Variants in PLOD3 observed in about 807,000 individuals in gnomAD.
PLOD3 encodes multifunctional procollagen lysine hydroxylase and glycosyltransferase LH3.
In PLOD3, 73 loss-of-function variants were observed where a neutral mutation model predicts 96.9. That is an observed-to-expected ratio of 0.75 (90% CI 0.62 to 0.92). The LOEUF (loss-of-function observed/expected upper bound fraction) is 0.92. Among genes scored for constraint, PLOD3 ranks in the 40% least tolerant of loss-of-function variants. The pLI, the probability that PLOD3 is intolerant of heterozygous loss-of-function variation, is 0.00. For missense variants in PLOD3, 1,004 were observed against 1,004.3 expected, an observed-to-expected ratio of 1.00 and a Z score of 0.00; for synonymous variants, 454 against 413.7, an observed-to-expected ratio of 1.10 and a Z score of -1.18.
intron 3 of PLOD3, 31 bp from the exon 4 acceptor site, chr7:101,216,357 T>C (rs1011501443): frequency 3.1e-6 from 5 of 1,613,154 alleles, no homozygotes; most frequent in Non-Finnish European, 4.2e-6. Flanking sequence ...TGGGCAGGGG[T>C]CCACTGGGAA....
chr7:101,211,925 A>G lies in PLOD3; in HGVS notation c.1153T>C (p.Cys385Arg). 1.2e-6 allele frequency: 2 copies of G among 1,608,100 alleles called. No homozygotes were observed. The highest frequency in any genetic ancestry group is 1.1e-5 in the South Asian group (1 of 90,140). ...AMDLCRQDPECEFYFSLDADA... is the reference protein window; with the variant it reads ...AMDLCRQDPEREFYFSLDADA... ...GCGTCCAGGCTGAAGTAGAACTCAC[A>G]CTCGGGGTCCTGCCGACACAGGTCC... Residue 385 changes from cysteine (C) to arginine (R), a missense_variant, in exon 11 of 19, where the codon TGT becomes CGT. This residue lies in a region of PLOD3 where 690 missense variants were observed against 650.2 expected (regional missense o/e 1.06). Coordinates refer to ENST00000223127, the MANE Select transcript of PLOD3 (RefSeq NM_001084.5).
chr7:101,216,397 C>T lies in PLOD3; in HGVS notation c.338+13G>A. 6.2e-7 allele frequency: 1 copy of T among 1,614,082 alleles called. No individual in the cohort carries two copies. Among genetic ancestry groups the T allele is most frequent in the Non-Finnish European group, 8.5e-7 (1 of 1,179,998 alleles). Reference sequence around the variant, plus strand: ...AGCATCCTTACCCCGCTCCCTATCCCCAGCCCCGTTACCTATCCACAAACA... The same window carrying T: ...AGCATCCTTACCCCGCTCCCTATCCTCAGCCCCGTTACCTATCCACAAACA... On this transcript the variant is annotated intron_variant, in intron 3 of 18. Coordinates refer to ENST00000223127, the MANE Select transcript of PLOD3 (RefSeq NM_001084.5).
chr7:101,215,898 C>T lies in PLOD3; in HGVS notation c.615+10G>A. The T allele has an allele frequency of 6.3e-7, 1 of 1,582,378 alleles. No homozygotes were observed. Among genetic ancestry groups the T allele is most frequent in the South Asian group, 1.1e-5 (1 of 90,482 alleles). Reference sequence around the variant, plus strand: ...GCTGCGGGATGCGCCCACTCCTCTGCCTTCCCTACCCTCAGTCCTGGGTCC... The same window carrying T: ...GCTGCGGGATGCGCCCACTCCTCTGTCTTCCCTACCCTCAGTCCTGGGTCC... On this transcript the variant is annotated intron_variant, in intron 5 of 18. Coordinates refer to ENST00000223127, the MANE Select transcript of PLOD3 (RefSeq NM_001084.5).
chr7:101,209,552 GTTTTTTTTT>G (rs11295764), intron 15 of PLOD3, among the ~76,000 whole-genome samples: 1 of 110,336 alleles, frequency 9.1e-6, no homozygotes, highest in African/African-American at 3.4e-5. Context: ...TAATTTTTGT[GTTTTTTTTT>G]TTTTTTTTTT....
In PLOD3 at chr7:101,213,148, CGTA is replaced by C; in HGVS notation, c.733_735del (p.Tyr245del). ...CCATGGACCACAATGGGGAGCGTGT[CGTA>C]GGCCACGTTCCGGATACGCACACGG... is the stretch of plus-strand genomic sequence containing the variant. On this transcript the variant is annotated inframe_deletion, in exon 7 of 19. Coordinates refer to ENST00000223127, the MANE Select transcript of PLOD3 (RefSeq NM_001084.5). 6.2e-7 allele frequency: 1 copy of C among 1,613,806 alleles called. No homozygotes were observed. Among genetic ancestry groups the C allele is most frequent in the Non-Finnish European group, 8.5e-7 (1 of 1,179,778 alleles).
At chr7:101,216,640 T>A in intron 2 of PLOD3, 55 bp downstream of exon 2, 1 of 1,604,596 alleles carries the variant, frequency 6.2e-7, no homozygotes, top group Non-Finnish European at 8.5e-7. Flanking sequence ...GCATCCAGAC[T>A]TCAGCCCACC....
At chr7:101,206,516 C>T in intron 18 of PLOD3, 80 bp from the exon 19 acceptor site, 1 of 1,372,074 alleles carries the variant, frequency 7.3e-7, no homozygotes, top group Non-Finnish European at 1.0e-6. Flanking sequence ...GGCAGGGCGG[C>T]CAGACCGGGG....
At chr7:101,215,176 A>G (rs777807624) in intron 5 of PLOD3, 24 bp from the exon 6 acceptor site, 4 of 1,528,866 alleles carry the variant, frequency 2.6e-6, no homozygotes, top group Non-Finnish European at 3.6e-6. Context: ...GATGCGATGG[A>G]GTGGTTAAAA....
chr7:101,213,336 G>C (rs570616636), intron 6 of PLOD3, 132 bp from the exon 7 acceptor site: 1 of 720,838 alleles, frequency 1.4e-6, no homozygotes, highest in East Asian at 2.7e-5. Context: ...AGTGTGGCTC[G>C]TTGTGGGCAG....
At chr7:101,213,509 T>G (rs1688452749) in intron 6 of PLOD3, 1 of 325,532 alleles carries the variant, frequency 3.1e-6, no homozygotes, top group Non-Finnish European at 5.6e-6. Context: ...TCTCCTTGTT[T>G]TTTTTTTTTT....
Position 101,217,433 on chromosome 7 carries a change from T to A in PLOD3, c.-159A>T. ...GGGGCTACGCCCTGAAAAAAAGGCG[T>A]ATCCGGAGGCTACAGAAAGCTCCAG... On this transcript the variant is annotated 5_prime_UTR_variant, in exon 1 of 19. Coordinates refer to ENST00000223127, the MANE Select transcript of PLOD3 (RefSeq NM_001084.5). 1 of 628,078 alleles carries A rather than the reference T, an allele frequency of 1.6e-6. No individual in the cohort carries two copies. The allele number at this position is 628,078 out of a possible 1,614,324, so 38.9% of individuals were successfully genotyped here.
chr7:101,206,934 G>A lies in PLOD3; in HGVS notation c.1936-30C>T, dbSNP rs41281007. The A allele has an allele frequency of 3.6e-3, 5,533 of 1,552,158 alleles. 21 individuals carry two copies. Among genetic ancestry groups the A allele is most frequent in the Non-Finnish European group, 4.1e-3 (4,681 of 1,147,322 alleles). ...GGGAGAGGAGGGAAGAGGCTGCAGG[G>A]ACAGCTGCGGGCGCAGGGGGTCTTT... is the stretch of plus-strand genomic sequence containing the variant. On this transcript the variant is annotated intron_variant, in intron 17 of 18. Transcript: ENST00000223127.
intron 18 of PLOD3, 94 bp from the exon 19 acceptor site, chr7:101,206,530 A>G: frequency 8.4e-7 from 1 of 1,189,466 alleles, no homozygotes. Context: ...ACCGGGGGGC[A>G]CGGTGCAGCA....
rs1422132477 is a variant in PLOD3, at chr7:101,208,905, TCA to T, written c.1734_1735del (p.Asp578GlufsTer18). ...GTAGTGCTCCATCTCTGCCACCAGC[TCA>T]TCACACATTTGTTCTGACAGCAGTG... On this transcript the variant is annotated frameshift_variant, in exon 16 of 19. Transcript: ENST00000223127. LOFTEE classifies it high-confidence loss of function. 4.3e-6 allele frequency: 7 copies of T among 1,613,856 alleles called. No individual in the cohort carries two copies. The highest frequency in any genetic ancestry group is 5.9e-6 in the Non-Finnish European group (7 of 1,179,910).
rs567261684 is a variant in PLOD3, at chr7:101,216,578, G to C, written c.202-32C>G. ...AGAAGATTGCCCCGTGCCAGGCAAGGGGTGGGGAGTTGTGGGGGGAACTCC... is the reference window on the plus strand; with the variant it reads ...AGAAGATTGCCCCGTGCCAGGCAAGCGGTGGGGAGTTGTGGGGGGAACTCC... On this transcript the variant is annotated intron_variant, in intron 2 of 18. Transcript: ENST00000223127. The C allele has an allele frequency of 7.4e-6, 12 of 1,613,740 alleles. No individual in the cohort carries two copies. In the South Asian group the frequency reaches 1.1e-4, roughly 15 times the overall value.
rs751261465 is a variant in PLOD3 at position 101,216,443 on chromosome 7, T to A, written c.305A>T (p.Asp102Val). 1 of 1,614,106 alleles carries A rather than the reference T, an allele frequency of 6.2e-7. No homozygotes were observed. Among genetic ancestry groups the A allele is most frequent in the South Asian group, 1.1e-5 (1 of 91,084 alleles). Residue 102 changes from aspartate (D) to valine (V), a missense_variant, in exon 3 of 19, where the codon GAC (aspartate) becomes GTC (valine). Asp to Val is a radical substitution (Grantham distance 152). Around this residue, in one of 5 missense-constraint regions of PLOD3, gnomAD observed 690 missense variants for 650.2 expected, o/e 1.06. Transcript: ENST00000223127. ...AAACATGATGATCATATCCTCCCGG[T>A]CAGCGTATTTCTCCATTTCCTTCTT... Reference protein sequence around the residue: ...WLKKEMEKYADREDMIIMFVD... With the variant: ...WLKKEMEKYAVREDMIIMFVD...
At position 101,212,857 on chromosome 7, in the gene PLOD3, T is replaced by C. The variant is rs1798208564; in HGVS notation, c.864A>G (p.Thr288=). ...GCGFCNQDRR[T]LPGGQPPPRV... ...CCCACCTCACCTGCCCCCCCGGGAGTGTCCTCCGGTCCTGGTTGCAGAAGC... is the reference window on the plus strand; with the variant it reads ...CCCACCTCACCTGCCCCCCCGGGAGCGTCCTCCGGTCCTGGTTGCAGAAGC... The change falls in exon 8 of 19, where the codon ACA becomes ACG. Residue 288 remains threonine (T), a synonymous_variant. Coordinates refer to ENST00000223127, the MANE Select transcript of PLOD3 (RefSeq NM_001084.5). The C allele has an allele frequency of 1.2e-6, 2 of 1,611,708 alleles. No homozygotes were observed. The highest frequency in any genetic ancestry group is 1.7e-5 in the Admixed American group (1 of 59,884).
Position 101,217,489 on chromosome 7 carries a change from T to G in PLOD3, c.-215A>C. The G allele has an allele frequency of 2.4e-4, 107 of 452,862 alleles. No homozygotes were observed. Among genetic ancestry groups the G allele is most frequent in the Non-Finnish European group, 2.6e-4 (69 of 263,946 alleles). The allele number at this position is 452,862 out of a possible 1,614,324, so 28.1% of individuals were successfully genotyped here. A position where few individuals can be genotyped will look rare whatever the true frequency, so the allele number is the denominator to read the frequency against. Reference sequence around the variant, plus strand: ...GGCGCCACAGACAAGGCGAGGATTGTCCCGGGCGCACGGGAGGCGGGGGAG... The same window carrying G: ...GGCGCCACAGACAAGGCGAGGATTGGCCCGGGCGCACGGGAGGCGGGGGAG... On this transcript the variant is annotated 5_prime_UTR_variant, in exon 1 of 19. Coordinates refer to ENST00000223127, the MANE Select transcript of PLOD3 (RefSeq NM_001084.5).
chr7:101,206,358 G>A lies in PLOD3; in HGVS notation c.2140C>T (p.Arg714Cys), dbSNP rs373117657. The change falls in exon 19 of 19, where the codon CGC (arginine) becomes TGC (cysteine). Residue 714 changes from arginine to cysteine, a missense_variant. Arg to Cys is a radical substitution (Grantham distance 180). Transcript: ENST00000223127. ...AGCCCCTCGTGGTAGTGGGTGAGGCGGCCGGGGTGCAGGAGTGCCCAGCCC... is the reference window on the plus strand; with the variant it reads ...AGCCCCTCGTGGTAGTGGGTGAGGCAGCCGGGGTGCAGGAGTGCCCAGCCC... ...RKGWALLHPG[R>C]LTHYHEGLPT... is the part of the protein sequence containing the mutation. 22 of 1,613,676 alleles carry A rather than the reference G, an allele frequency of 1.4e-5. No homozygotes were observed. The highest frequency in any genetic ancestry group is 4.5e-5 in the East Asian group (2 of 44,886).
Sources: gnomAD v4.1 joint callset for allele counts (sites outside exome capture counted in the v4.1 genomes callset) on GRCh38, gnomAD v4.1.1 for gene constraint, gnomAD v4.1.1 regional missense constraint, MANE v1.5 for transcripts, NCBI Gene and HGNC (gene_info 2026-07-23, HGNC 2026-07-21) for gene names.